Variants in CEP85L observed in about 807,000 individuals in gnomAD.
The protein encoded by CEP85L is centrosomal protein of 85 kDa-like.
In CEP85L, 60 loss-of-function variants were observed where a neutral mutation model predicts 100.3. The ratio of observed to expected loss-of-function variants is 0.60; its 90% CI spans 0.49 to 0.74. CEP85L has a LOEUF of 0.74. Among genes scored for constraint, CEP85L ranks in the 30% least tolerant of loss-of-function variants. The pLI, the probability that CEP85L is intolerant of heterozygous loss-of-function variation, is 0.00. For synonymous variants in CEP85L, 319 were observed against 322.7 expected (o/e 0.99, Z 0.12); for missense variants, 973 against 936.2 (o/e 1.04, Z -0.51).
At chr6:118,603,790 C>G (rs1369020428) in intron 2 of CEP85L, among the ~76,000 whole-genome samples, 1 of 152,144 alleles carries the variant, frequency 6.6e-6, no homozygotes, top group African/African-American at 2.4e-5. Context: ...TATCAGAAAA[C>G]TTGCACTTAA....
intron 8 of CEP85L, among the ~76,000 whole-genome samples, chr6:118,480,790 G>A (rs1773721992): frequency 6.6e-6 from 1 of 152,036 alleles, no homozygotes; most frequent in South Asian, 2.1e-4. Flanking sequence ...CTCCGATGAA[G>A]TCCTTCATTA....
chr6:118,691,862 A>ATTTT (rs1329012691), intron 1 of CEP85L, among the ~76,000 whole-genome samples: 1 of 152,126 alleles, frequency 6.6e-6, no homozygotes, highest in African/African-American at 2.4e-5. Flanking sequence ...GCAAAATTAC[A>ATTTT]TGACTTATTT....
At chr6:118,569,915 C>A (rs1779785260) in intron 2 of CEP85L, among the ~76,000 whole-genome samples, 1 of 152,072 alleles carries the variant, frequency 6.6e-6, no homozygotes, top group South Asian at 2.1e-4. Context: ...GATACATTCT[C>A]TATCATATTC....
At chr6:118,569,065 G>C (rs35407905) in intron 2 of CEP85L, among the ~76,000 whole-genome samples, 11 of 151,780 alleles carry the variant, frequency 7.2e-5, no homozygotes, top group Non-Finnish European at 1.5e-4. Context: ...ATAGGGCTGG[G>C]GGCAGTGGCT....
At chr6:118,576,162 TG>T (rs1780220686) in intron 2 of CEP85L, among the ~76,000 whole-genome samples, 1 of 152,212 alleles carries the variant, frequency 6.6e-6, no homozygotes, top group African/African-American at 2.4e-5. Flanking sequence ...CTGGTTACCA[TG>T]GACAAGATGC....
intron 2 of CEP85L, among the ~76,000 whole-genome samples, chr6:118,579,741 G>A (rs1562280179): frequency 1.3e-5 from 2 of 152,200 alleles, no homozygotes; most frequent in African/African-American, 2.4e-5. Flanking sequence ...AATTATTTTA[G>A]GCAGATAGAG....
At chr6:118,483,978 C>A (rs1376920836) in intron 6 of CEP85L, 120 bp from the exon 7 acceptor site, 10 of 799,560 alleles carry the variant, frequency 1.3e-5, no homozygotes, top group Admixed American at 2.9e-5. Flanking sequence ...TAGCGAAGGC[C>A]ACTAGCAACT....
chr6:118,483,648 A>G, intron 7 of CEP85L, 58 bp downstream of exon 7: 3 of 1,516,268 alleles, frequency 2.0e-6, no homozygotes. Flanking sequence ...CCAAATTTCT[A>G]GAGTCAAGTT....
intron 2 of CEP85L, among the ~76,000 whole-genome samples, chr6:118,601,673 T>C (rs1263118511): frequency 6.6e-6 from 1 of 152,168 alleles, no homozygotes; most frequent in Non-Finnish European, 1.5e-5. Context: ...TGCCCATTTT[T>C]ATGGTTAATT....
At chr6:118,670,899 G>A (rs868442131) in intron 1 of CEP85L, among the ~76,000 whole-genome samples, 2 of 151,706 alleles carry the variant, frequency 1.3e-5, no homozygotes, top group Non-Finnish European at 2.9e-5. Flanking sequence ...TCAGCAGGAC[G>A]ACTTTTGGTG....
At chr6:118,597,962 A>G (rs1781540110) in intron 2 of CEP85L, among the ~76,000 whole-genome samples, 1 of 152,222 alleles carries the variant, frequency 6.6e-6, no homozygotes, top group African/African-American at 2.4e-5. Context: ...AGTGACTATA[A>G]GAAGATTATT....
At chr6:118,574,376 C>T (rs1175426261) in intron 2 of CEP85L, among the ~76,000 whole-genome samples, 1 of 152,222 alleles carries the variant, frequency 6.6e-6, no homozygotes, top group Non-Finnish European at 1.5e-5. Flanking sequence ...GATAAAAACC[C>T]TTCTCTCCTT....
At chr6:118,574,827 G>A (rs772201436) in intron 2 of CEP85L, among the ~76,000 whole-genome samples, 22 of 152,210 alleles carry the variant, frequency 1.4e-4, no homozygotes, top group Non-Finnish European at 3.1e-4. Flanking sequence ...AGCGAGTGTG[G>A]AGTCCAGATC....
chr6:118,620,497 CA>C (rs1347144880), intron 2 of CEP85L, among the ~76,000 whole-genome samples: 1 of 152,112 alleles, frequency 6.6e-6, no homozygotes, highest in East Asian at 1.9e-4. Flanking sequence ...GATTGTCCAA[CA>C]AAAAACAAAC....
chr6:118,600,370 T>TGTGTGTG (rs58066356), intron 2 of CEP85L, among the ~76,000 whole-genome samples: 5 of 86,368 alleles, frequency 5.8e-5, no homozygotes, highest in African/African-American at 1.3e-4. Flanking sequence ...TGTGTGTGTG[T>TGTGTGTG]AACGCCATGG....
At chr6:118,538,880 C>T (rs118087341) in intron 3 of CEP85L, among the ~76,000 whole-genome samples, 2,075 of 151,490 alleles carry the variant, frequency 0.014, 30 homozygotes, top group Non-Finnish European at 0.02. Context: ...TGAATCAATC[C>T]CTTGTAATTA....
chr6:118,534,000 C>T (rs1777441955), intron 3 of CEP85L, among the ~76,000 whole-genome samples: 1 of 151,964 alleles, frequency 6.6e-6, no homozygotes, highest in Non-Finnish European at 1.5e-5. Context: ...GAGGCTGAGG[C>T]AGGAGAATGG....
rs1447245375 is a variant in CEP85L at position 118,688,025 on chromosome 6, C to T, written c.-28+22011G>A. ...GCCCAAGATTCCATTCCTTGGAATC[C>T]GTGAGGCCAAGAACCCCAGGTCAGA... On this transcript the variant is annotated intron_variant, in intron 1 of 13. Transcript: ENST00000368488. 1.4e-4 allele frequency among the ~76,000 whole-genome samples: 21 copies of T among 152,116 alleles called. 1 individual carries two copies. Among genetic ancestry groups the T allele is most frequent in the Admixed American group, 1.2e-3 (19 of 15,268 alleles).
chr6:118,668,765 CAT>C (rs1214112664), intron 1 of CEP85L, among the ~76,000 whole-genome samples: 6 of 152,164 alleles, frequency 3.9e-5, no homozygotes, highest in African/African-American at 1.4e-4. Flanking sequence ...TATTTTAAAA[CAT>C]ATTTTGTATG....
Sources: allele counts gnomAD v4.1 joint callset (sites outside exome capture counted in the v4.1 genomes callset), GRCh38; gene constraint gnomAD v4.1.1; transcripts MANE v1.5; gene names NCBI Gene and HGNC (gene_info 2026-07-23, HGNC 2026-07-21).